Variants in ZFAT observed in about 807,000 individuals in gnomAD.
ZFAT encodes the protein zinc finger and AT-hook domain containing.
In ZFAT, 64 loss-of-function variants were observed where a neutral mutation model predicts 117.7. The observed-to-expected ratio is 0.54, with a 90% CI of 0.44 to 0.67. The LOEUF is 0.67. ZFAT is among the 30% of genes least tolerant of loss of function. The pLI is 0.00. For missense variants in ZFAT, 1,433 were observed against 1,584.5 expected, an observed-to-expected ratio of 0.90 and a Z score of 1.62; for synonymous variants, 679 against 615.0, an observed-to-expected ratio of 1.10 and a Z score of -1.54.
chr8:134,547,187 G>T (rs561467918), intron 11 of ZFAT, among the ~76,000 whole-genome samples: 1 of 152,352 alleles, frequency 6.6e-6, no homozygotes, highest in South Asian at 2.1e-4. Flanking sequence ...GCTAAGGTCT[G>T]TTGGATCCTA....
At chr8:134,738,247 T>C in the ZFAT span, among the ~76,000 whole-genome samples, 1 of 152,164 alleles carries the variant, frequency 6.6e-6, no homozygotes, top group Non-Finnish European at 1.5e-5. Flanking sequence ...CCTAGCCTCC[T>C]CTCTCAATAT....
intron 15 of ZFAT, among the ~76,000 whole-genome samples, chr8:134,508,530 G>A (rs145633224): frequency 9.8e-4 from 149 of 152,124 alleles, no homozygotes; most frequent in Non-Finnish European, 1.8e-3. Context: ...GTCTCTCCTC[G>A]GATGTCAGAG....
the ZFAT span, among the ~76,000 whole-genome samples, chr8:134,746,115 T>G: frequency 2.0e-5 from 3 of 152,216 alleles, no homozygotes; most frequent in Admixed American, 2.0e-4. Flanking sequence ...TTCCTCTCAA[T>G]TCCGCTCTTT....
At chr8:134,526,047 T>C (rs1821003154) in intron 12 of ZFAT, among the ~76,000 whole-genome samples, 1 of 148,378 alleles carries the variant, frequency 6.7e-6, no homozygotes, top group South Asian at 2.1e-4. Flanking sequence ...CCACTTTTTG[T>C]TGTTGTTGTT....
upstream of ZFAT, among the ~76,000 whole-genome samples, chr8:134,716,069 A>G (rs941279677): frequency 4.6e-5 from 7 of 151,810 alleles, no homozygotes; most frequent in South Asian, 4.1e-4. Flanking sequence ...CAAGGCTGCA[A>G]TAAGCTGTGA....
chr8:134,821,313 G>C, the ZFAT span, among the ~76,000 whole-genome samples: 2 of 152,100 alleles, frequency 1.3e-5, no homozygotes, highest in African/African-American at 4.8e-5. Context: ...AGCTGAATGT[G>C]ATCAAAGGGT....
chr8:134,506,962 A>T (rs747600013), intron 15 of ZFAT, among the ~76,000 whole-genome samples: 2 of 152,230 alleles, frequency 1.3e-5, no homozygotes, highest in Non-Finnish European at 2.9e-5. Flanking sequence ...GTAGGATACA[A>T]TTGAAGAATC....
intron 1 of ZFAT, among the ~76,000 whole-genome samples, chr8:134,708,407 T>A (rs1313221697): frequency 6.6e-6 from 1 of 152,018 alleles, no homozygotes; most frequent in Non-Finnish European, 1.5e-5. Flanking sequence ...ATTATACTCA[T>A]AAATCATAAC....
intron 1 of ZFAT, among the ~76,000 whole-genome samples, chr8:134,672,358 G>A (rs1832601715): frequency 1.3e-5 from 2 of 152,282 alleles, no homozygotes; most frequent in Admixed American, 1.3e-4. Context: ...ACTGAACAAT[G>A]AGAACACTTG....
At chr8:134,698,681 C>A (rs1833937977) in intron 1 of ZFAT, among the ~76,000 whole-genome samples, 1 of 152,156 alleles carries the variant, frequency 6.6e-6, no homozygotes, top group African/African-American at 2.4e-5. Flanking sequence ...TCCCACTCAA[C>A]AGAACCAGCC....
chr8:134,583,956 C>T lies in ZFAT; in HGVS notation c.2763G>A (p.Lys921=), dbSNP rs1277161806. The T allele has an allele frequency of 1.3e-6, 2 of 1,576,422 alleles. No homozygotes were observed. The highest frequency in any genetic ancestry group is 1.7e-6 in the Non-Finnish European group (2 of 1,159,496). The part of the protein sequence containing the change: ...CSLCEYATRS[K]SNLKAHMNRH... ...GATTCATATGAGCCTTGAGGTTACT[C>T]TTGCTACGAGTTGCATACTCACACA... The change falls in exon 10 of 16, where the codon AAG becomes AAA. Residue 921 remains lysine (K), a synonymous_variant. Coordinates refer to ENST00000377838, the MANE Select transcript of ZFAT (RefSeq NM_020863.4).
At chr8:134,820,383 G>C in the ZFAT span, among the ~76,000 whole-genome samples, 1 of 152,206 alleles carries the variant, frequency 6.6e-6, no homozygotes, top group Admixed American at 6.5e-5. Context: ...CATCTACCAA[G>C]ACTGTAAGCT....
chr8:134,628,796 A>C (rs1226226885), intron 3 of ZFAT, among the ~76,000 whole-genome samples: 2 of 152,238 alleles, frequency 1.3e-5, no homozygotes, highest in Non-Finnish European at 2.9e-5. Context: ...TCATCCATGA[A>C]ATGGGAATAA....
the ZFAT span, chr8:134,784,546 A>C: frequency 6.6e-6 from 1 of 152,172 alleles, no homozygotes; most frequent in Non-Finnish European, 1.5e-5. Flanking sequence ...TTTTGTATAG[A>C]TACTAGATTT....
At chr8:134,533,091 CTG>C in intron 11 of ZFAT, 119 bp from the exon 12 acceptor site, 3 of 1,419,902 alleles carry the variant, frequency 2.1e-6, no homozygotes, top group Non-Finnish European at 2.8e-6. Flanking sequence ...GCCCCATCAC[CTG>C]TGATATGTTC....
chr8:134,821,797 T>G, the ZFAT span, among the ~76,000 whole-genome samples: 2 of 152,254 alleles, frequency 1.3e-5, no homozygotes, highest in Admixed American at 6.5e-5. Context: ...GGAGATCAAA[T>G]TGGGTGTGAG....
At chr8:134,671,398 A>G (rs1832555447) in intron 1 of ZFAT, among the ~76,000 whole-genome samples, 1 of 152,244 alleles carries the variant, frequency 6.6e-6, no homozygotes, top group Non-Finnish European at 1.5e-5. Context: ...CAAAAAGCTT[A>G]TCCACCATGA....
chr8:134,650,753 T>G (rs1396458608), intron 2 of ZFAT, among the ~76,000 whole-genome samples: 1 of 152,238 alleles, frequency 6.6e-6, no homozygotes, highest in Non-Finnish European at 1.5e-5. Context: ...ATTAAACTCA[T>G]ACATTTGTAC....
chr8:134,607,164 A>G (rs185422334), intron 5 of ZFAT, among the ~76,000 whole-genome samples: 265 of 152,366 alleles, frequency 1.7e-3, no homozygotes, highest in African/African-American at 6.2e-3. Flanking sequence ...CCCCGCCAAC[A>G]GACCTTGAAA....
Sources: allele counts gnomAD v4.1 joint callset (sites outside exome capture counted in the v4.1 genomes callset), GRCh38; gene constraint gnomAD v4.1.1; transcripts MANE v1.5; gene names NCBI Gene and HGNC (gene_info 2026-07-23, HGNC 2026-07-21).